SLC2A9: variants seen among roughly 807,000 people sequenced by gnomAD.
SLC2A9 encodes the protein solute carrier family 2, facilitated glucose transporter member 9.
SLC2A9 carries 39 observed loss-of-function variants against 50.6 expected under a neutral mutation model. That is an observed-to-expected ratio of 0.77 (90% confidence interval 0.60 to 1.01). The LOEUF is 1.01. SLC2A9 is among the 50% of genes least tolerant of loss of function. The pLI, the probability that SLC2A9 is intolerant of heterozygous loss-of-function variation, is 0.00. For synonymous variants in SLC2A9, 324 were observed against 276.9 expected (o/e 1.17, Z -1.69); for missense variants, 686 against 677.6 (o/e 1.01, Z -0.14).
chr4:9,941,807 C>T (rs1322408368), intron 6 of SLC2A9, 106 bp downstream of exon 6: 2 of 1,517,952 alleles, frequency 1.3e-6, no homozygotes, highest in East Asian at 4.7e-5. Flanking sequence ...CAAAAAGGAA[C>T]AATGACAACA....
chr4:9,858,775 T>C (rs1280679727), intron 10 of SLC2A9, among the ~76,000 whole-genome samples: 1 of 152,170 alleles, frequency 6.6e-6, no homozygotes, highest in African/African-American at 2.4e-5. Context: ...GGTGTGTCCG[T>C]GAGGGTGTTG....
chr4:10,025,046 A>G (rs559324639), upstream of SLC2A9, among the ~76,000 whole-genome samples: 1 of 152,260 alleles, frequency 6.6e-6, no homozygotes, highest in African/African-American at 2.4e-5. Flanking sequence ...CTTATCCTCC[A>G]TTTCACACCT....
At chr4:9,902,693 G>A (rs559510461) in intron 8 of SLC2A9, among the ~76,000 whole-genome samples, 3 of 152,160 alleles carry the variant, frequency 2.0e-5, no homozygotes, top group Non-Finnish European at 2.9e-5. Context: ...TTTAGAGGGC[G>A]TTCTGCCTGT....
intron 1 of SLC2A9, among the ~76,000 whole-genome samples, chr4:10,027,243 G>A (rs34325511): frequency 0.22 from 34,085 of 152,028 alleles, 4,015 homozygotes; most frequent in South Asian, 0.36. Flanking sequence ...AAATGTTTTG[G>A]AACTGGATGG....
intron 2 of SLC2A9, among the ~76,000 whole-genome samples, chr4:10,004,349 G>T (rs1760393538): frequency 6.6e-6 from 1 of 152,130 alleles, no homozygotes; most frequent in Non-Finnish European, 1.5e-5. Flanking sequence ...CATACTGCCA[G>T]GCCACCTTAC....
intron 2 of SLC2A9, among the ~76,000 whole-genome samples, chr4:10,018,589 T>TAGATA (rs1553915108): frequency 1.3e-5 from 2 of 151,032 alleles, no homozygotes; most frequent in African/African-American, 2.4e-5. Context: ...GATAGATAGA[T>TAGATA]AACAACAACA....
intron 10 of SLC2A9, among the ~76,000 whole-genome samples, chr4:9,857,642 G>A (rs1267911721): frequency 1.3e-5 from 2 of 152,194 alleles, no homozygotes; most frequent in Admixed American, 6.5e-5. Context: ...GTGAGATGAT[G>A]CAGTTGTCTT....
intron 5 of SLC2A9, among the ~76,000 whole-genome samples, chr4:9,973,884 G>A (rs1435911482): frequency 6.1e-5 from 9 of 147,652 alleles, no homozygotes; most frequent in Non-Finnish European, 1.0e-4. Context: ...CAGAAAACTA[G>A]AAACCAATAT....
intron 10 of SLC2A9, among the ~76,000 whole-genome samples, chr4:9,884,775 C>T (rs753744333): frequency 1.3e-5 from 2 of 152,106 alleles, no homozygotes; most frequent in African/African-American, 2.4e-5. Flanking sequence ...AACCCAAATG[C>T]TCATCAATGA....
intron 8 of SLC2A9, among the ~76,000 whole-genome samples, chr4:9,900,290 A>AG (rs746101117): frequency 1.2e-4 from 19 of 152,158 alleles, no homozygotes; most frequent in Non-Finnish European, 1.9e-4. Context: ...GGCCGGACAC[A>AG]GGGGAGCCAA....
intron 10 of SLC2A9, chr4:9,879,965 C>A (rs570906456): frequency 3.0e-6 from 3 of 985,338 alleles, no homozygotes; most frequent in African/African-American, 3.5e-5. Flanking sequence ...CTTCTTACAT[C>A]GACCTGTTCC....
At chr4:9,955,821 T>C (rs1463389289) in intron 5 of SLC2A9, among the ~76,000 whole-genome samples, 1 of 150,112 alleles carries the variant, frequency 6.7e-6, no homozygotes, top group African/African-American at 2.5e-5. Context: ...GGACATTCTC[T>C]AGGGATTCTT....
chr4:9,977,799 CA>C (rs1161449040), intron 5 of SLC2A9, among the ~76,000 whole-genome samples: 2 of 152,146 alleles, frequency 1.3e-5, no homozygotes, highest in Non-Finnish European at 2.9e-5. Flanking sequence ...GGCCATTGGT[CA>C]ATTGCCCTCC....
At chr4:9,881,877 G>GT (rs570753838) in intron 10 of SLC2A9, among the ~76,000 whole-genome samples, 39 of 152,182 alleles carry the variant, frequency 2.6e-4, no homozygotes, top group Non-Finnish European at 4.6e-4. Flanking sequence ...CCCCTGGAAG[G>GT]TTTCCTCATC....
chr4:9,782,673 A>G (rs773622534), intron 3 of SLC2A9: 1 of 1,613,914 alleles, frequency 6.2e-7, no homozygotes, highest in Non-Finnish European at 8.5e-7. Flanking sequence ...GTGAATGCAG[A>G]GAACTGTGAC....
chr4:9,965,987 C>T (rs770871003), intron 5 of SLC2A9, among the ~76,000 whole-genome samples: 1 of 152,138 alleles, frequency 6.6e-6, no homozygotes, highest in Non-Finnish European at 1.5e-5. Flanking sequence ...TATCAACTAA[C>T]GAAATGTGAG....
rs990441111 is a variant in SLC2A9, at chr4:9,792,160, TTTC to T, written n.386-12098_386-12096del. On this transcript the variant is annotated intron_variant and non_coding_transcript_variant, in intron 3 of 3. Transcript: ENST00000503803. ...ACCAGGAGATGTTTTCTATTCTATG[TTTC>T]TTTTTTTTTTTTTTTTTTTTTTTGT... Among the ~76,000 whole-genome samples the T allele has an allele frequency of 5.7e-5, 7 of 122,070 alleles. No individual in the cohort carries two copies. The South Asian group carries it at 1.4e-3, about 24-fold the overall frequency. The allele number at this position is 122,070 out of a possible 152,430, so 80.1% of individuals were successfully genotyped here.
At chr4:10,025,727 A>G (rs1445997173), upstream of SLC2A9, 2 of 622,534 alleles carry the variant, frequency 3.2e-6, no homozygotes, top group Non-Finnish European at 5.7e-6. Flanking sequence ...GCCTCATCCC[A>G]GACACTCTAC....
chr4:9,801,720 C>T (rs1026792256), intron 3 of SLC2A9, among the ~76,000 whole-genome samples: 1 of 152,178 alleles, frequency 6.6e-6, no homozygotes, highest in African/African-American at 2.4e-5. Flanking sequence ...GAACTGTCCC[C>T]CCGAGCAGCA....
Sources: gnomAD v4.1 joint callset for allele counts (sites outside exome capture counted in the v4.1 genomes callset) on GRCh38, gnomAD v4.1.1 for gene constraint, MANE v1.5 for transcripts, NCBI Gene and HGNC (gene_info 2026-07-23, HGNC 2026-07-21) for gene names.